Variants in KAZN observed in about 807,000 individuals in gnomAD.
The protein encoded by KAZN is kazrin, periplakin interacting protein.
KAZN carries 40 observed loss-of-function variants against 87.4 expected under a neutral mutation model. The observed-to-expected ratio is 0.46, with a 90% CI of 0.36 to 0.60. The LOEUF is 0.60. Ranked by LOEUF, KAZN falls within the 20% of genes least tolerant of loss-of-function variation. The pLI, the probability that KAZN is intolerant of heterozygous loss-of-function variation, is 0.00. For synonymous variants in KAZN, 466 were observed against 458.3 expected, an observed-to-expected ratio of 1.02 and a Z score of -0.22; for missense variants, 898 against 1,073.9, an observed-to-expected ratio of 0.84 and a Z score of 2.29.
chr1:15,080,402 G>A (rs1639940073), intron 8 of KAZN, among the ~76,000 whole-genome samples: 1 of 152,100 alleles, frequency 6.6e-6, no homozygotes, highest in Non-Finnish European at 1.5e-5. Context: ...GGGTGGTGCA[G>A]GTTGGTGGCA....
chr1:14,194,838 A>G (rs539388646), intron 2 of KAZN, among the ~76,000 whole-genome samples: 3 of 152,226 alleles, frequency 2.0e-5, no homozygotes, highest in African/African-American at 7.2e-5. Context: ...AGTAGTTTGT[A>G]TAATTTGGGA....
At chr1:14,978,810 C>T (rs1269850979) in intron 2 of KAZN, among the ~76,000 whole-genome samples, 2 of 152,118 alleles carry the variant, frequency 1.3e-5, no homozygotes, top group Non-Finnish European at 1.5e-5. Flanking sequence ...CAGACATAGC[C>T]GCCTCTGCTG....
At chr1:14,032,600 G>T (rs1641375349) in intron 1 of KAZN, among the ~76,000 whole-genome samples, 1 of 152,082 alleles carries the variant, frequency 6.6e-6, no homozygotes, top group Non-Finnish European at 1.5e-5. Flanking sequence ...TCTCAGTCTG[G>T]TGTTTCCCAT....
intron 1 of KAZN, among the ~76,000 whole-genome samples, chr1:14,614,730 C>T (rs556275928): frequency 6.6e-6 from 1 of 152,328 alleles, no homozygotes; most frequent in South Asian, 2.1e-4. Flanking sequence ...TTGAATACAA[C>T]CCAGAGAAAC....
chr1:14,483,689 G>A (rs948457895), intron 2 of KAZN, among the ~76,000 whole-genome samples: 7 of 152,150 alleles, frequency 4.6e-5, no homozygotes, highest in Non-Finnish European at 1.0e-4. Flanking sequence ...TTATACATTT[G>A]CAAATATTTT....
chr1:13,946,278 T>G (rs1311080926), intron 1 of KAZN, among the ~76,000 whole-genome samples: 3 of 152,096 alleles, frequency 2.0e-5, no homozygotes, highest in African/African-American at 7.2e-5. Flanking sequence ...TAAAGCATGG[T>G]TTTTGTTTTC....
At chr1:14,195,620 T>TA (rs1294708555) in intron 2 of KAZN, among the ~76,000 whole-genome samples, 4 of 151,890 alleles carry the variant, frequency 2.6e-5, no homozygotes, top group African/African-American at 9.7e-5. Context: ...CTGGAAAACT[T>TA]ACATCTGAGA....
intron 1 of KAZN, among the ~76,000 whole-genome samples, chr1:14,824,364 C>T (rs899263148): frequency 6.6e-6 from 1 of 152,182 alleles, no homozygotes; most frequent in Admixed American, 6.5e-5. Context: ...TCTGCAGACA[C>T]TGTCAATAAA....
At chr1:14,753,962 A>T (rs1221282273) in intron 1 of KAZN, among the ~76,000 whole-genome samples, 1 of 152,212 alleles carries the variant, frequency 6.6e-6, no homozygotes, top group Non-Finnish European at 1.5e-5. Flanking sequence ...GAGTGAGTGA[A>T]GGGGAAGAGG....
intron 2 of KAZN, among the ~76,000 whole-genome samples, chr1:14,480,826 C>A (rs1042198581): frequency 1.4e-5 from 2 of 144,814 alleles, no homozygotes; most frequent in African/African-American, 5.0e-5. Flanking sequence ...ATAAATTATA[C>A]CAAGGAAACA....
chr1:15,100,099 T>C (rs1640989931), intron 10 of KAZN, among the ~76,000 whole-genome samples: 1 of 152,098 alleles, frequency 6.6e-6, no homozygotes. Flanking sequence ...AGAGCTTAGC[T>C]GCTCAGAAGA....
chr1:14,464,871 G>A (rs1022565713), intron 2 of KAZN, among the ~76,000 whole-genome samples: 1 of 152,014 alleles, frequency 6.6e-6, no homozygotes, highest in African/African-American at 2.4e-5. Context: ...TCCTGCTTGG[G>A]CCAGATGAAT....
chr1:14,363,164 C>G (rs964894463), intron 2 of KAZN, among the ~76,000 whole-genome samples: 1 of 152,186 alleles, frequency 6.6e-6, no homozygotes, highest in Non-Finnish European at 1.5e-5. Context: ...AAGTCCTCAT[C>G]ATCTTGCTAA....
chr1:14,651,700 C>T (rs528635453), intron 1 of KAZN, among the ~76,000 whole-genome samples: 53 of 152,224 alleles, frequency 3.5e-4, no homozygotes, highest in Non-Finnish European at 6.5e-4. Flanking sequence ...CTTTTTTCCC[C>T]CCACGAGAAT....
chr1:14,190,288 T>C (rs1646396904), intron 2 of KAZN, among the ~76,000 whole-genome samples: 1 of 152,080 alleles, frequency 6.6e-6, no homozygotes, highest in Non-Finnish European at 1.5e-5. Context: ...GATTATTGAG[T>C]ACTTACTAGA....
rs184983415 is a variant in KAZN at position 14,076,824 on chromosome 1, G to A, written c.92-103611G>A. 2.8e-4 allele frequency among the ~76,000 whole-genome samples: 42 copies of A among 152,262 alleles called. 1 individual carries two copies. In the East Asian group the frequency reaches 6.6e-3, roughly 24 times the overall value. ...CTCCTGCTCTCAACTCTCCTGTGGTGCACTGTGAGCTGGTTGTGGGGCCCT... is the reference window on the plus strand; with the variant it reads ...CTCCTGCTCTCAACTCTCCTGTGGTACACTGTGAGCTGGTTGTGGGGCCCT... On this transcript the variant is annotated intron_variant, in intron 1 of 16. Coordinates refer to the KAZN transcript ENST00000636203.
At chr1:13,960,849 G>T (rs1377942540) in intron 1 of KAZN, among the ~76,000 whole-genome samples, 1 of 152,072 alleles carries the variant, frequency 6.6e-6, no homozygotes, top group East Asian at 1.9e-4. Flanking sequence ...CCTCTCCTGG[G>T]GCTTCAGGAC....
chr1:14,542,030 A>C (rs2148496546), intron 2 of KAZN, among the ~76,000 whole-genome samples: 1 of 152,192 alleles, frequency 6.6e-6, no homozygotes, highest in East Asian at 1.9e-4. Flanking sequence ...AGTTTGACAA[A>C]TGGGCCTGGC....
At chr1:14,402,798 A>C (rs1663524016) in intron 2 of KAZN, among the ~76,000 whole-genome samples, 1 of 152,186 alleles carries the variant, frequency 6.6e-6, no homozygotes, top group African/African-American at 2.4e-5. Context: ...ATGAAGGAGA[A>C]TAAAAATCTC....
Sources: gnomAD v4.1 joint callset for allele counts (sites outside exome capture counted in the v4.1 genomes callset) on GRCh38, gnomAD v4.1.1 for gene constraint, MANE v1.5 for transcripts, NCBI Gene and HGNC (gene_info 2026-07-23, HGNC 2026-07-21) for gene names.